The following PAPPA2 variants were observed in gnomAD, a reference collection of about 807,000 sequenced individuals.
The protein encoded by PAPPA2 is pappalysin-2.
In PAPPA2, 86 loss-of-function variants were observed where a neutral mutation model predicts 176.4. The observed-to-expected ratio is 0.49, with a 90% CI of 0.41 to 0.58. The LOEUF is 0.58. Among genes scored for constraint, PAPPA2 ranks in the 20% least tolerant of loss-of-function variants. The probability of loss-of-function intolerance (pLI) is 0.00; values close to 1 mark genes in which losing one functional copy is unlikely to be tolerated. For synonymous variants in PAPPA2, 809 were observed against 852.2 expected, an observed-to-expected ratio of 0.95 and a Z score of 0.88; for missense variants, 2,073 against 2,256.9, an observed-to-expected ratio of 0.92 and a Z score of 1.65.
intron 1 of PAPPA2, among the ~76,000 whole-genome samples, chr1:176,496,775 A>T (rs1482157704): frequency 1.3e-5 from 2 of 152,234 alleles, no homozygotes; most frequent in African/African-American, 4.8e-5. Flanking sequence ...AAGAAAGGAA[A>T]GTAGGGAATA....
At chr1:176,549,481 C>T (rs189428888) in intron 1 of PAPPA2, among the ~76,000 whole-genome samples, 320 of 152,344 alleles carry the variant, frequency 2.1e-3, no homozygotes, top group Non-Finnish European at 4.0e-3. Flanking sequence ...TTCCAATCTT[C>T]TCATTTTACA....
At chr1:176,663,970 T>C (rs1260638230) in intron 3 of PAPPA2, among the ~76,000 whole-genome samples, 1 of 152,184 alleles carries the variant, frequency 6.6e-6, no homozygotes, top group African/African-American at 2.4e-5. Context: ...GGTAAAATAT[T>C]GCCAAAAACT....
At chr1:176,796,142 T>C (rs896988363) in intron 20 of PAPPA2, among the ~76,000 whole-genome samples, 25 of 152,168 alleles carry the variant, frequency 1.6e-4, no homozygotes, top group African/African-American at 3.1e-4. Context: ...CTGCAGATCA[T>C]TGGAGACTCA....
chr1:176,631,236 T>C (rs1656323391), intron 3 of PAPPA2, among the ~76,000 whole-genome samples: 1 of 152,168 alleles, frequency 6.6e-6, no homozygotes, highest in South Asian at 2.1e-4. Context: ...TACTGATACA[T>C]GCTACAACAT....
chr1:176,538,190 T>C (rs942527055), intron 1 of PAPPA2, among the ~76,000 whole-genome samples: 1 of 152,186 alleles, frequency 6.6e-6, no homozygotes, highest in African/African-American at 2.4e-5. Flanking sequence ...GATTACCTCT[T>C]CCAAATCTCC....
chr1:176,819,044 T>G (rs1316318938), intron 21 of PAPPA2, among the ~76,000 whole-genome samples: 1 of 152,240 alleles, frequency 6.6e-6, no homozygotes, highest in Non-Finnish European at 1.5e-5. Flanking sequence ...CATTAAGTTT[T>G]GCAGATTGTA....
At position 176,659,572 on chromosome 1, in the gene PAPPA2, A is replaced by G. The variant is rs956968854; in HGVS notation, c.1992-11398A>G. On this transcript the variant is annotated intron_variant, in intron 3 of 22. Coordinates refer to ENST00000367662, the MANE Select transcript of PAPPA2 (RefSeq NM_020318.3). ...TTAGGACTCCAACATCTTATGGGGGACACATTTAACTCATAACAATAGCTA... is the reference window on the plus strand; with the variant it reads ...TTAGGACTCCAACATCTTATGGGGGGCACATTTAACTCATAACAATAGCTA... Among the ~76,000 whole-genome samples, 8 of 152,078 alleles carry G rather than the reference A, an allele frequency of 5.3e-5. No individual in the cohort carries two copies. The South Asian group carries it at 8.3e-4, about 16-fold the overall frequency.
chr1:176,506,620 A>G (rs1407050306), intron 1 of PAPPA2, among the ~76,000 whole-genome samples: 1 of 152,012 alleles, frequency 6.6e-6, no homozygotes, highest in East Asian at 1.9e-4. Flanking sequence ...GGCTATGTAA[A>G]TGGGATTGTG....
rs528255371 is a variant in PAPPA2, at chr1:176,806,410, T to A, written c.5202+6278T>A. 2.6e-5 allele frequency among the ~76,000 whole-genome samples: 4 copies of A among 152,322 alleles called. No homozygotes were observed. The East Asian group carries it at 7.7e-4, about 29-fold the overall frequency. ...AAAGTTGCAGACAGAACTTTGACTT[T>A]GAGAGTCTTAAATGGAAAAGACTGA... On this transcript the variant is annotated intron_variant, in intron 21 of 22. Coordinates refer to ENST00000367662, the MANE Select transcript of PAPPA2 (RefSeq NM_020318.3).
chr1:176,831,656 GT>G (rs1471386253), intron 21 of PAPPA2, among the ~76,000 whole-genome samples: 1 of 152,186 alleles, frequency 6.6e-6, no homozygotes, highest in African/African-American at 2.4e-5. Flanking sequence ...GAGGTAGAGA[GT>G]TTGTGTGACT....
At chr1:176,570,563 A>G (rs971155417) in intron 2 of PAPPA2, among the ~76,000 whole-genome samples, 3 of 151,988 alleles carry the variant, frequency 2.0e-5, no homozygotes, top group Non-Finnish European at 4.4e-5. Flanking sequence ...ATATTCTTAT[A>G]ATCCTTATAA....
At chr1:176,566,877 T>C (rs1390411957) in intron 2 of PAPPA2, among the ~76,000 whole-genome samples, 1 of 152,140 alleles carries the variant, frequency 6.6e-6, no homozygotes, top group South Asian at 2.1e-4. Context: ...TTATTTGGTG[T>C]TTACTAACAG....
At chr1:176,539,804 C>T (rs1650274600) in intron 1 of PAPPA2, among the ~76,000 whole-genome samples, 1 of 152,218 alleles carries the variant, frequency 6.6e-6, no homozygotes, top group Admixed American at 6.5e-5. Context: ...GTTCCATTCT[C>T]AGGAGAACTC....
rs767096380 is a variant in PAPPA2 at position 176,556,634 on chromosome 1, G to T, written c.312G>T (p.Val104=). Reference sequence around the variant, plus strand: ...AACCAGACACTGAAGGAAATGCTGTGAGCCTTGTTCCCCCAGACCTGACTG... The same window carrying T: ...AACCAGACACTGAAGGAAATGCTGTTAGCCTTGTTCCCCCAGACCTGACTG... ...RSKPDTEGNA[V]SLVPPDLTEN... Residue 104 remains valine, a synonymous_variant, in exon 2 of 23, where the codon GTG becomes GTT. Coordinates refer to ENST00000367662, the MANE Select transcript of PAPPA2 (RefSeq NM_020318.3). 6.2e-7 allele frequency: 1 copy of T among 1,614,182 alleles called. No homozygotes were observed. Among genetic ancestry groups the T allele is most frequent in the Non-Finnish European group, 8.5e-7 (1 of 1,180,046 alleles).
chr1:176,714,468 G>C (rs1377487924), intron 12 of PAPPA2, among the ~76,000 whole-genome samples: 3 of 150,284 alleles, frequency 2.0e-5, no homozygotes, highest in African/African-American at 7.3e-5. Flanking sequence ...GCCCCTATCA[G>C]GTATTATTAA....
intron 21 of PAPPA2, among the ~76,000 whole-genome samples, chr1:176,819,567 C>T (rs1040343760): frequency 2.0e-5 from 3 of 152,268 alleles, no homozygotes; most frequent in Middle Eastern, 3.4e-3. Context: ...TCTTTTGGCT[C>T]TCAAATGAGA....
At chr1:176,790,177 T>A (rs1665114419) in intron 18 of PAPPA2, among the ~76,000 whole-genome samples, 200 bp downstream of exon 18, 1 of 152,150 alleles carries the variant, frequency 6.6e-6, no homozygotes, top group African/African-American at 2.4e-5. Flanking sequence ...GTTCAGAACT[T>A]CCTCTGAGGT....
chr1:176,822,487 A>G (rs928055349), intron 21 of PAPPA2, among the ~76,000 whole-genome samples: 1 of 152,216 alleles, frequency 6.6e-6, no homozygotes, highest in African/African-American at 2.4e-5. Flanking sequence ...ATTTTTGTAT[A>G]TATTTAATTC....
At position 176,496,070 on chromosome 1, in the gene PAPPA2, G is replaced by A. The variant is rs997646946; in HGVS notation, c.-917+32652G>A. ...ATATATTCAGGCTATGACAATGTTA[G>A]GAGGATTATTACAACTTTTTTAAAT... is the stretch of plus-strand genomic sequence containing the variant. On this transcript the variant is annotated intron_variant, in intron 1 of 22. Transcript: ENST00000367662. Among the ~76,000 whole-genome samples, 8 of 152,110 alleles carry A rather than the reference G, an allele frequency of 5.3e-5. No individual in the cohort carries two copies. In the East Asian group the frequency reaches 1.4e-3, roughly 26 times the overall value.
Sources: allele counts gnomAD v4.1 joint callset (sites outside exome capture counted in the v4.1 genomes callset), GRCh38; gene constraint gnomAD v4.1.1; transcripts MANE v1.5; gene names NCBI Gene and HGNC (gene_info 2026-07-23, HGNC 2026-07-21).